MRC1: variants seen among roughly 807,000 people sequenced by gnomAD.
MRC1 encodes macrophage mannose receptor 1.
A neutral mutation model predicts 102.9 loss-of-function variants in MRC1; 62 were observed. That is an observed-to-expected ratio of 0.60 (90% CI 0.49 to 0.74). The LOEUF (loss-of-function observed/expected upper bound fraction) is 0.74, where lower values mean the gene tolerates loss of function less well. Ranked by LOEUF, MRC1 falls within the 30% of genes least tolerant of loss-of-function variation. The pLI is 0.00. For synonymous variants in MRC1, 457 were observed against 298.4 expected (o/e 1.53, Z -5.48); for missense variants, 1,237 against 862.8 (o/e 1.43, Z -5.43).
At chr10:17,809,720 A>G (rs1838193958) in intron 1 of MRC1, among the ~76,000 whole-genome samples, 194 bp downstream of exon 1, 1 of 151,906 alleles carries the variant, frequency 6.6e-6, no homozygotes, top group African/African-American at 2.4e-5. Context: ...GAGTTGGAGG[A>G]GGGAGGAGGA....
At chr10:17,827,404 A>ATCCCTCTGTGGGTGC in intron 2 of MRC1, 138 bp from the exon 3 acceptor site, 1 of 294,014 alleles carries the variant, frequency 3.4e-6, no homozygotes, top group Non-Finnish European at 6.6e-6. Context: ...AAAAAAAAAA[A>ATCCCTCTGTGGGTGC]AAAAAAGAAA....
rs564672822 is a variant in MRC1, at chr10:17,823,002, G to T, written c.62-72G>T. 4.7e-4 allele frequency: 361 copies of T among 763,762 alleles called. 4 individuals are homozygous for T. Among genetic ancestry groups the T allele is most frequent in the South Asian group, 4.7e-3 (344 of 72,810 alleles). 47.3% of individuals were successfully genotyped at this position (763,762 alleles called of 1,614,324 possible). On this transcript the variant is annotated intron_variant, in intron 1 of 29. Transcript: ENST00000569591. Reference sequence around the variant, plus strand: ...TTGGAAACTTTTGACCTAAAAGATCGTCCTTGTTACATGAATCCACTTAGC... The same window carrying T: ...TTGGAAACTTTTGACCTAAAAGATCTTCCTTGTTACATGAATCCACTTAGC...
intron 2 of MRC1, among the ~76,000 whole-genome samples, chr10:17,824,299 G>C (rs1220126496): frequency 6.6e-6 from 1 of 152,084 alleles, no homozygotes; most frequent in Non-Finnish European, 1.5e-5. Flanking sequence ...TCACATTTTA[G>C]GTTTGGATAC....
intron 24 of MRC1, among the ~76,000 whole-genome samples, chr10:17,900,190 G>A (rs1257621905): frequency 4.0e-5 from 6 of 151,182 alleles, no homozygotes; most frequent in African/African-American, 7.3e-5. Flanking sequence ...TCATATGGCC[G>A]AAAGACCACC....
At chr10:17,819,243 A>G (rs1416528266) in intron 1 of MRC1, among the ~76,000 whole-genome samples, 3 of 152,150 alleles carry the variant, frequency 2.0e-5, no homozygotes, top group African/African-American at 4.8e-5. Context: ...ACCACCTATT[A>G]TATTAGGTAG....
chr10:17,893,566 AG>A (rs1490636312), intron 22 of MRC1, among the ~76,000 whole-genome samples: 68 of 152,322 alleles, frequency 4.5e-4, no homozygotes, highest in African/African-American at 1.6e-3. Context: ...CAACAGGACC[AG>A]GTATGAGGAT....
chr10:17,898,689 T>A (rs1175815480), intron 24 of MRC1, among the ~76,000 whole-genome samples: 1 of 152,320 alleles, frequency 6.6e-6, no homozygotes, highest in African/African-American at 2.4e-5. Context: ...TTGTTGTAGG[T>A]CCTGAGGTTG....
At chr10:17,832,425 T>A in intron 3 of MRC1, among the ~76,000 whole-genome samples, 1 of 149,424 alleles carries the variant, frequency 6.7e-6, no homozygotes, top group Admixed American at 6.6e-5. Context: ...CGTGGCGGCG[T>A]GTGCCTGTCG....
chr10:17,813,492 G>A (rs1838255934), intron 1 of MRC1, among the ~76,000 whole-genome samples: 1 of 151,990 alleles, frequency 6.6e-6, no homozygotes, highest in Admixed American at 6.6e-5. Flanking sequence ...ATTCTTCAGT[G>A]TATTTTTTCA....
intron 3 of MRC1, 120 bp downstream of exon 3, chr10:17,827,835 T>A (rs1838504494): frequency 1.4e-6 from 1 of 728,906 alleles, no homozygotes; most frequent in Non-Finnish European, 2.6e-6. Flanking sequence ...GACCTCATTG[T>A]ACCTACTACA....
chr10:17,854,994 A>G (rs1833061521), intron 8 of MRC1, among the ~76,000 whole-genome samples: 1 of 152,098 alleles, frequency 6.6e-6, no homozygotes, highest in East Asian at 1.9e-4. Flanking sequence ...CTTGGCCCAG[A>G]AAACATTTTT....
At position 17,910,730 on chromosome 10, in the gene MRC1, G is replaced by A; in HGVS notation, c.*265G>A. ...ACCACAGCACCACATCTAAGCATTA[G>A]TGATGGGTAGCTGATGTCAGCTTCA... is the stretch of plus-strand genomic sequence containing the variant. On this transcript the variant is annotated 3_prime_UTR_variant, in exon 30 of 30. Coordinates refer to ENST00000569591, the MANE Select transcript of MRC1 (RefSeq NM_002438.4). The A allele has an allele frequency of 2.1e-6, 1 of 482,192 alleles. No individual in the cohort carries two copies. The highest frequency in any genetic ancestry group is 2.2e-5 in the South Asian group (1 of 44,866). 29.9% of individuals were successfully genotyped at this position (482,192 alleles called of 1,614,324 possible).
At chr10:17,873,488 T>G (rs1425551605) in intron 15 of MRC1, among the ~76,000 whole-genome samples, 1 of 145,864 alleles carries the variant, frequency 6.9e-6, no homozygotes, top group African/African-American at 2.5e-5. Flanking sequence ...ATTCTAAAAC[T>G]CATGATCTTT....
intron 26 of MRC1, among the ~76,000 whole-genome samples, chr10:17,903,392 C>CTTTTTTTTTTTTTTTTTTTTTTTTTTT (rs35118275): frequency 6.8e-5 from 6 of 88,862 alleles, no homozygotes; most frequent in Non-Finnish European, 8.8e-5. Context: ...CTTTTTTTTT[C>CTTTTTTTTTTTTTTTTTTTTTTTTTTT]TTTTTTTTTT....
chr10:17,881,834 GTTTTTTTTTTTTTTT>G (rs1159143035), intron 21 of MRC1, among the ~76,000 whole-genome samples: 7 of 61,860 alleles, frequency 1.1e-4, no homozygotes, highest in African/African-American at 2.2e-4. Flanking sequence ...ATTTTTTAAA[GTTTTTTTTTTTTTTT>G]TTTTTTTTTT....
At chr10:17,822,060 C>T (rs1296068605) in intron 1 of MRC1, among the ~76,000 whole-genome samples, 10 of 152,120 alleles carry the variant, frequency 6.6e-5, no homozygotes, top group Admixed American at 5.9e-4. Flanking sequence ...AAAAAAAATG[C>T]TTACCAGATC....
At chr10:17,887,714 A>AT (rs1443418597) in intron 22 of MRC1, among the ~76,000 whole-genome samples, 40 of 152,200 alleles carry the variant, frequency 2.6e-4, no homozygotes, top group Non-Finnish European at 5.0e-4. Context: ...ATTTTTGTTG[A>AT]TTTTTTCTCC....
At chr10:17,835,252 T>G (rs1838645352) in intron 4 of MRC1, among the ~76,000 whole-genome samples, 1 of 152,248 alleles carries the variant, frequency 6.6e-6, no homozygotes, top group East Asian at 1.9e-4. Flanking sequence ...TTACCACTTT[T>G]ATTAGTATAA....
chr10:17,848,186 C>T (rs1251086403), intron 6 of MRC1, among the ~76,000 whole-genome samples: 4 of 152,140 alleles, frequency 2.6e-5, no homozygotes, highest in African/African-American at 7.2e-5. Context: ...TATACTAAGA[C>T]AGCCATTTGA....
Sources: allele counts gnomAD v4.1 joint callset (sites outside exome capture counted in the v4.1 genomes callset), GRCh38; gene constraint gnomAD v4.1.1; transcripts MANE v1.5; gene names NCBI Gene and HGNC (gene_info 2026-07-23, HGNC 2026-07-21).